The following APAF1 variants were observed in gnomAD, a reference collection of about 807,000 sequenced individuals.
APAF1 encodes the protein apoptotic protease-activating factor 1.
APAF1 carries 91 observed loss-of-function variants against 152.4 expected under a neutral mutation model. That is an observed-to-expected ratio of 0.60 (90% CI 0.50 to 0.71). The LOEUF is 0.71. Among genes scored for constraint, APAF1 ranks in the 30% least tolerant of loss-of-function variants. The pLI, the probability that APAF1 is intolerant of heterozygous loss-of-function variation, is 0.00. For synonymous variants in APAF1, 484 were observed against 494.1 expected, an observed-to-expected ratio of 0.98 and a Z score of 0.27; for missense variants, 1,283 against 1,472.0, an observed-to-expected ratio of 0.87 and a Z score of 2.10.
chr12:98,700,759 G>T (rs1347090087), intron 17 of APAF1, among the ~76,000 whole-genome samples: 2 of 152,128 alleles, frequency 1.3e-5, no homozygotes, highest in Non-Finnish European at 2.9e-5. Context: ...TAACCATGAA[G>T]TAATAACTCC....
At position 98,671,095 on chromosome 12, in the gene APAF1, A is replaced by G; in HGVS notation, c.1608+9A>G. Reference sequence around the variant, plus strand: ...ATATACTAGATGAAAAGGTATATATATTAACATGAAAAATTAGTGCTAAAA... The same window carrying G: ...ATATACTAGATGAAAAGGTATATATGTTAACATGAAAAATTAGTGCTAAAA... On this transcript the variant is annotated intron_variant, in intron 11 of 26. Coordinates refer to ENST00000551964, the MANE Select transcript of APAF1 (RefSeq NM_181861.2). 1 of 1,489,794 alleles carries G rather than the reference A, an allele frequency of 6.7e-7. No individual in the cohort carries two copies. Among genetic ancestry groups the G allele is most frequent in the South Asian group, 1.2e-5 (1 of 86,402 alleles). 92.3% of individuals were successfully genotyped at this position (1,489,794 alleles called of 1,614,324 possible).
At chr12:98,723,096 TA>T in intron 22 of APAF1, 96 bp from the exon 23 acceptor site, 1 of 1,302,116 alleles carries the variant, frequency 7.7e-7, no homozygotes, top group Non-Finnish European at 1.1e-6. Context: ...GCCATGTGAG[TA>T]AAAGACTTTA....
chr12:98,649,770 T>G (rs1450603514), intron 4 of APAF1, 86 bp downstream of exon 4: 4 of 1,239,710 alleles, frequency 3.2e-6, no homozygotes, highest in Non-Finnish European at 1.2e-6. Flanking sequence ...ATAAATTGAA[T>G]GGTAGAAACA....
chr12:98,679,885 C>G (rs1377079817), intron 13 of APAF1, among the ~76,000 whole-genome samples: 1 of 152,268 alleles, frequency 6.6e-6, no homozygotes, highest in African/African-American at 2.4e-5. Flanking sequence ...CTGTTCCACG[C>G]CTGACTCGCC....
chr12:98,655,853 G>A (rs1387503986), intron 4 of APAF1, among the ~76,000 whole-genome samples: 3 of 151,470 alleles, frequency 2.0e-5, no homozygotes, highest in African/African-American at 7.3e-5. Context: ...GCGCGGTCTC[G>A]GCTCACTGCA....
chr12:98,653,719 T>TATATATATATAG (rs1305555429), intron 4 of APAF1, among the ~76,000 whole-genome samples: 61 of 108,204 alleles, frequency 5.6e-4, no homozygotes, highest in African/African-American at 1.9e-3. Context: ...TATATATATA[T>TATATATATATAG]ATATAGTTTT....
At chr12:98,704,975 G>A (rs1288944653) in intron 18 of APAF1, among the ~76,000 whole-genome samples, 3 of 151,908 alleles carry the variant, frequency 2.0e-5, no homozygotes, top group African/African-American at 7.3e-5. Context: ...ATGGAGATAG[G>A]GTTTCACCAT....
intron 22 of APAF1, among the ~76,000 whole-genome samples, chr12:98,716,375 A>C (rs896051829): frequency 1.2e-4 from 18 of 152,192 alleles, no homozygotes; most frequent in Non-Finnish European, 2.2e-4. Flanking sequence ...TTTTGTTTAG[A>C]TCCTTCCTGT....
At chr12:98,687,664 G>C (rs990729219) in intron 16 of APAF1, among the ~76,000 whole-genome samples, 5 of 152,140 alleles carry the variant, frequency 3.3e-5, no homozygotes, top group Admixed American at 2.0e-4. Context: ...ATCCATTCAT[G>C]AGGGTAGCGC....
chr12:98,720,386 T>C (rs1737433017), intron 22 of APAF1, among the ~76,000 whole-genome samples: 1 of 152,228 alleles, frequency 6.6e-6, no homozygotes, highest in South Asian at 2.1e-4. Context: ...TGGTTGGGTT[T>C]TGTTTTCATT....
chr12:98,669,507 A>G (rs1441926412), intron 10 of APAF1, among the ~76,000 whole-genome samples: 1 of 152,230 alleles, frequency 6.6e-6, no homozygotes, highest in Non-Finnish European at 1.5e-5. Flanking sequence ...AAATGGGATC[A>G]TAATAGAAAT....
intron 17 of APAF1, among the ~76,000 whole-genome samples, chr12:98,702,650 C>A (rs1188244925): frequency 1.3e-5 from 2 of 151,390 alleles, no homozygotes; most frequent in East Asian, 3.9e-4. Context: ...CATGGAGAAA[C>A]CCCGTCTCTA....
Position 98,715,483 on chromosome 12 carries a change from T to C in APAF1, c.3015T>C (p.Thr1005=), listed in dbSNP as rs758722635. ...AGTCCAGGTTTCAGCACAAGAAAAC[T>C]GTATGGCACATCCAGTTCACAGCCG... The part of the protein sequence containing the change: ...IFQSRFQHKK[T]VWHIQFTADE... Residue 1005 remains threonine, a synonymous_variant, in exon 22 of 27, where the codon ACT becomes ACC. Transcript: ENST00000551964. The C allele has an allele frequency of 7.8e-5, 126 of 1,613,484 alleles. No individual in the cohort carries two copies. Among genetic ancestry groups the C allele is most frequent in the Non-Finnish European group, 9.7e-5 (114 of 1,179,744 alleles).
At chr12:98,720,737 G>A (rs1479522228) in intron 22 of APAF1, among the ~76,000 whole-genome samples, 1 of 152,128 alleles carries the variant, frequency 6.6e-6, no homozygotes, top group Non-Finnish European at 1.5e-5. Flanking sequence ...AGGCCGAGGC[G>A]GGCGGATCAC....
chr12:98,708,556 G>A (rs1378988923), intron 19 of APAF1, 29 bp from the exon 20 acceptor site: 1 of 1,606,964 alleles, frequency 6.2e-7, no homozygotes, highest in Non-Finnish European at 8.5e-7. Flanking sequence ...TTTAGAGATG[G>A]AATGATAATT....
chr12:98,720,588 C>A lies in APAF1; in HGVS notation c.3085-2605C>A, dbSNP rs575533380. The stretch of plus-strand genomic sequence containing the variant: ...GAGGTCTACTTTGGTAGTTTTTGAT[C>A]CTTTACCTTGAAGTAAATAAAGGCC... On this transcript the variant is annotated intron_variant, in intron 22 of 26. Transcript: ENST00000551964. 7.1e-4 allele frequency among the ~76,000 whole-genome samples: 108 copies of A among 152,280 alleles called. 1 individual carries two copies. In the South Asian group the frequency reaches 0.022, roughly 30 times the overall value.
chr12:98,650,926 GT>G (rs1312576104), intron 4 of APAF1, among the ~76,000 whole-genome samples: 8 of 152,064 alleles, frequency 5.3e-5, no homozygotes, highest in African/African-American at 1.7e-4. Context: ...CAATTTATAG[GT>G]TTAAAAGAAC....
At chr12:98,668,212 G>A (rs536622319) in intron 10 of APAF1, among the ~76,000 whole-genome samples, 16 of 152,126 alleles carry the variant, frequency 1.1e-4, no homozygotes, top group Non-Finnish European at 2.4e-4. Context: ...GTAAAAATGG[G>A]ATTATAGCTT....
chr12:98,673,903 A>G (rs961924358), intron 12 of APAF1, among the ~76,000 whole-genome samples: 8 of 152,246 alleles, frequency 5.3e-5, no homozygotes, highest in African/African-American at 9.6e-5. Flanking sequence ...TGGAAAAATG[A>G]GGAATTCAAG....
Sources: gnomAD v4.1 joint callset for allele counts (sites outside exome capture counted in the v4.1 genomes callset) on GRCh38, gnomAD v4.1.1 for gene constraint, MANE v1.5 for transcripts, NCBI Gene and HGNC (gene_info 2026-07-23, HGNC 2026-07-21) for gene names.